WDPCP: variants seen among roughly 807,000 people sequenced by gnomAD.
WDPCP encodes the protein WD repeat-containing and planar cell polarity effector protein fritz homolog.
A neutral mutation model predicts 93.1 loss-of-function variants in WDPCP; 71 were observed. The ratio of observed to expected loss-of-function variants is 0.76; its 90% CI spans 0.63 to 0.93. The LOEUF (loss-of-function observed/expected upper bound fraction) is 0.93. Ranked by LOEUF, WDPCP falls within the 40% of genes least tolerant of loss-of-function variation. WDPCP has a pLI of 0.00. For missense variants in WDPCP, 844 were observed against 887.4 expected, an observed-to-expected ratio of 0.95 and a Z score of 0.62; for synonymous variants, 315 against 315.0, an observed-to-expected ratio of 1.00 and a Z score of 0.00.
chr2:63,583,506 A>C (rs1486659359), intron 1 of WDPCP, among the ~76,000 whole-genome samples: 2 of 151,856 alleles, frequency 1.3e-5, no homozygotes, highest in Admixed American at 1.3e-4. Context: ...CATGGTGAAA[A>C]CCCATCTCCA....
chr2:63,607,014 C>CA, intron 3 of WDPCP: 1 of 1,592,942 alleles, frequency 6.3e-7, no homozygotes, highest in South Asian at 1.2e-5. Context: ...CTAAATGCTT[C>CA]AAAGCTGAAG....
the WDPCP span, among the ~76,000 whole-genome samples, chr2:63,836,642 A>G: frequency 3.3e-5 from 5 of 152,284 alleles, no homozygotes; most frequent in African/African-American, 1.2e-4. Context: ...GCCATTCACT[A>G]AAGGGAATGG....
chr2:63,187,589 T>A (rs1674731619), intron 14 of WDPCP, among the ~76,000 whole-genome samples: 2 of 152,246 alleles, frequency 1.3e-5, no homozygotes, highest in Non-Finnish European at 2.9e-5. Context: ...TTCAATTGCA[T>A]ACACAAATTC....
chr2:63,272,675 AT>A (rs1373674526), intron 13 of WDPCP, among the ~76,000 whole-genome samples: 1 of 152,230 alleles, frequency 6.6e-6, no homozygotes, highest in Non-Finnish European at 1.5e-5. Flanking sequence ...AATGAATGAA[AT>A]AAAAAACACA....
At chr2:63,442,331 C>T (rs1191680570) in intron 6 of WDPCP, 1 of 152,082 alleles carries the variant, frequency 6.6e-6, no homozygotes, top group East Asian at 1.9e-4. Context: ...TTACAAAAAA[C>T]ATTTAGAATA....
Position 63,494,314 on chromosome 2 carries a change from C to CGAT in WDPCP, c.76-1377_76-1375dup, listed in dbSNP as rs756773052. On this transcript the variant is annotated intron_variant, in intron 1 of 17. Transcript: ENST00000272321. ...ACGACGACGACGACAATGATGATGACGATGATGATGATGATGGAGAAAAAG... is the reference window on the plus strand; with the variant it reads ...ACGACGACGACGACAATGATGATGACGATGATGATGATGATGATGGAGAAAAAG... 1.2e-3 allele frequency among the ~76,000 whole-genome samples: 149 copies of CGAT among 124,240 alleles called. 1 individual carries two copies. The highest frequency in any genetic ancestry group is 1.3e-3 in the Non-Finnish European group (76 of 58,776). 81.5% of individuals were successfully genotyped at this position (124,240 alleles called of 152,430 possible).
chr2:63,274,989 C>A (rs1214788784), intron 13 of WDPCP, among the ~76,000 whole-genome samples: 3 of 151,780 alleles, frequency 2.0e-5, no homozygotes, highest in African/African-American at 7.3e-5. Context: ...AAGGATATGA[C>A]AAAGAAAAAA....
intron 1 of WDPCP, among the ~76,000 whole-genome samples, chr2:63,551,176 T>C (rs981824350): frequency 2.6e-5 from 4 of 152,164 alleles, no homozygotes; most frequent in African/African-American, 9.7e-5. Flanking sequence ...ATGTACAATA[T>C]AAACTTTCCT....
chr2:63,242,270 A>G (rs1332020624), intron 14 of WDPCP, among the ~76,000 whole-genome samples: 1 of 152,218 alleles, frequency 6.6e-6, no homozygotes, highest in African/African-American at 2.4e-5. Flanking sequence ...GCAAGATCAT[A>G]TATGATAAAT....
intron 2 of WDPCP, among the ~76,000 whole-genome samples, chr2:63,726,023 T>C (rs1669492871): frequency 6.6e-6 from 1 of 152,242 alleles, no homozygotes; most frequent in Non-Finnish European, 1.5e-5. Context: ...TATCTCTTGC[T>C]GTGCAGAAGC....
chr2:63,408,136 G>A (rs55990596), intron 9 of WDPCP, among the ~76,000 whole-genome samples: 1,600 of 152,226 alleles, frequency 0.011, 19 homozygotes, highest in Non-Finnish European at 0.015. Flanking sequence ...GTGGAGGCTC[G>A]CACTGTGAAT....
chr2:63,222,886 A>T (rs1490111590), intron 14 of WDPCP, among the ~76,000 whole-genome samples: 1 of 152,154 alleles, frequency 6.6e-6, no homozygotes, highest in Non-Finnish European at 1.5e-5. Context: ...TGTGTTCATT[A>T]TGAGTTCGAT....
At chr2:63,558,078 C>CA (rs1249822260) in intron 1 of WDPCP, among the ~76,000 whole-genome samples, 1 of 151,828 alleles carries the variant, frequency 6.6e-6, no homozygotes, top group East Asian at 1.9e-4. Context: ...AACATCACAA[C>CA]TAAAAGAGCT....
chr2:63,607,179 A>AAT, intron 3 of WDPCP: 1 of 374,702 alleles, frequency 2.7e-6, no homozygotes, highest in Non-Finnish European at 4.7e-6. Flanking sequence ...ATTCTAAATA[A>AAT]ATATATATTC....
intron 2 of WDPCP, among the ~76,000 whole-genome samples, chr2:63,686,924 C>T (rs1486348493): frequency 6.6e-6 from 1 of 150,742 alleles, no homozygotes; most frequent in South Asian, 2.1e-4. Context: ...TTCAGATAGA[C>T]CCCTATCTCT....
Position 63,554,217 on chromosome 2 carries a change from G to A in WDPCP, c.75+33980C>T, listed in dbSNP as rs1233906646. Among the ~76,000 whole-genome samples the A allele has an allele frequency of 6.6e-5, 10 of 152,178 alleles. No individual in the cohort carries two copies. In the East Asian group the frequency reaches 1.3e-3, roughly 21 times the overall value. On this transcript the variant is annotated intron_variant, in intron 1 of 17. Coordinates refer to ENST00000272321, the MANE Select transcript of WDPCP (RefSeq NM_015910.7). ...CTGGTTACTTTATAGAAGTTTCTTC[G>A]CTTTGAATTTTTCTTATGTTTCCTT...
chr2:63,618,416 A>G (rs559324275), intron 3 of WDPCP, among the ~76,000 whole-genome samples: 6 of 152,314 alleles, frequency 3.9e-5, no homozygotes, highest in Admixed American at 1.3e-4. Flanking sequence ...GAGTCTCATC[A>G]CCAATTTATT....
chr2:63,464,248 C>A (rs1293164560), intron 6 of WDPCP, among the ~76,000 whole-genome samples: 1 of 152,060 alleles, frequency 6.6e-6, no homozygotes, highest in Non-Finnish European at 1.5e-5. Flanking sequence ...AAATACCCAA[C>A]AAGCATATGA....
chr2:63,834,646 C>T, the WDPCP span, among the ~76,000 whole-genome samples: 4 of 152,212 alleles, frequency 2.6e-5, no homozygotes, highest in African/African-American at 9.6e-5. Flanking sequence ...AGCAGCATCT[C>T]TACAGGTAGA....
Sources: allele counts gnomAD v4.1 joint callset (sites outside exome capture counted in the v4.1 genomes callset), GRCh38; gene constraint gnomAD v4.1.1; transcripts MANE v1.5; gene names NCBI Gene and HGNC (gene_info 2026-07-23, HGNC 2026-07-21).